The following AKAP6 variants were observed in gnomAD, a reference collection of about 807,000 sequenced individuals.
AKAP6 encodes A-kinase anchoring protein 6.
AKAP6 carries 58 observed loss-of-function variants against 188.5 expected under a neutral mutation model. The observed-to-expected ratio is 0.31, with a 90% confidence interval of 0.25 to 0.38. AKAP6 has a LOEUF of 0.38. Ranked by LOEUF, AKAP6 falls within the 10% of genes least tolerant of loss-of-function variation. AKAP6 has a pLI of 1.00. For synonymous variants in AKAP6, 989 were observed against 998.6 expected (o/e 0.99, Z 0.18); for missense variants, 2,710 against 2,740.0 (o/e 0.99, Z 0.24).
chr14:32,819,026 C>T lies in AKAP6; in HGVS notation c.3589-2376C>T, dbSNP rs548909249. 3.3e-5 allele frequency among the ~76,000 whole-genome samples: 5 copies of T among 152,240 alleles called. No homozygotes were observed. The East Asian group carries it at 9.7e-4, about 29-fold the overall frequency. On this transcript the variant is annotated intron_variant, in intron 12 of 13. Coordinates refer to ENST00000280979, the MANE Select transcript of AKAP6 (RefSeq NM_004274.5). ...AAGATTTTAACATTCATTAGCCGTACTAACTGGTCATTAGTACTTCCTTTA... is the reference window on the plus strand; with the variant it reads ...AAGATTTTAACATTCATTAGCCGTATTAACTGGTCATTAGTACTTCCTTTA...
chr14:32,546,463 A>G lies in AKAP6; in HGVS notation c.1810A>G (p.Lys604Glu). The change falls in exon 4 of 14, where the codon AAA becomes GAA. Residue 604 changes from lysine to glutamate, a missense_variant. Coordinates refer to ENST00000280979, the MANE Select transcript of AKAP6 (RefSeq NM_004274.5). The part of the protein sequence containing the change: ...PVPLLSKHKS[K>E]KGQASSPSHV... Reference sequence around the variant, plus strand: ...GCCACTTCTTTCAAAACACAAAAGCAAAAAAGGTCAAGCCTCCTCTCCAAG... The same window carrying G: ...GCCACTTCTTTCAAAACACAAAAGCGAAAAAGGTCAAGCCTCCTCTCCAAG... The G allele has an allele frequency of 6.2e-7, 1 of 1,614,176 alleles. No individual in the cohort carries two copies. Among genetic ancestry groups the G allele is most frequent in the East Asian group, 2.2e-5 (1 of 44,882 alleles).
At chr14:32,353,291 A>G (rs977548376) in intron 1 of AKAP6, among the ~76,000 whole-genome samples, 1 of 152,188 alleles carries the variant, frequency 6.6e-6, no homozygotes, top group Non-Finnish European at 1.5e-5. Flanking sequence ...GGCCAGGCGC[A>G]GTGGCTCACG....
At chr14:32,434,993 A>G (rs1280735658) in intron 2 of AKAP6, among the ~76,000 whole-genome samples, 1 of 152,242 alleles carries the variant, frequency 6.6e-6, no homozygotes, top group Non-Finnish European at 1.5e-5. Flanking sequence ...AAGGCAACAG[A>G]GAGATGGCTA....
chr14:32,411,651 G>A lies in AKAP6; in HGVS notation c.-34-21809G>A, dbSNP rs534724511. On this transcript the variant is annotated intron_variant, in intron 1 of 13. Transcript: ENST00000280979. ...GTCATCAGTTTTTGGGCATTTGGGG[G>A]CTCTACCTATAAATTTGATTGACTC... is the stretch of plus-strand genomic sequence containing the variant. Among the ~76,000 whole-genome samples the A allele has an allele frequency of 3.9e-5, 6 of 152,124 alleles. No individual in the cohort carries two copies. In the South Asian group the frequency reaches 8.3e-4, roughly 21 times the overall value.
chr14:32,394,864 G>C (rs1407727527), intron 1 of AKAP6, among the ~76,000 whole-genome samples: 1 of 152,096 alleles, frequency 6.6e-6, no homozygotes, highest in Non-Finnish European at 1.5e-5. Context: ...AGAAACTAAA[G>C]GAAAAGGAGG....
At chr14:32,773,255 C>T (rs1594931666) in intron 11 of AKAP6, among the ~76,000 whole-genome samples, 2 of 152,036 alleles carry the variant, frequency 1.3e-5, no homozygotes, top group Admixed American at 6.6e-5. Context: ...AACTTTTTGC[C>T]TCCAAAGAAT....
chr14:32,406,301 C>G (rs925735168), intron 1 of AKAP6, among the ~76,000 whole-genome samples: 5 of 152,142 alleles, frequency 3.3e-5, no homozygotes, highest in African/African-American at 4.8e-5. Flanking sequence ...CCTCTGCCTC[C>G]TGGGTTCAAG....
chr14:32,476,436 G>A lies in AKAP6; in HGVS notation c.324+42619G>A, dbSNP rs186219121. 6.4e-4 allele frequency among the ~76,000 whole-genome samples: 97 copies of A among 152,238 alleles called. 2 individuals carry two copies. The highest frequency in any genetic ancestry group is 4.0e-3 in the Admixed American group (61 of 15,298). Reference sequence around the variant, plus strand: ...CCCTACTTGGACATAAGTAAACAGCGAAGTAGGATCTGGAAGAGGTTTAAG... The same window carrying A: ...CCCTACTTGGACATAAGTAAACAGCAAAGTAGGATCTGGAAGAGGTTTAAG... On this transcript the variant is annotated intron_variant, in intron 2 of 13. Transcript: ENST00000280979.
intron 2 of AKAP6, among the ~76,000 whole-genome samples, chr14:32,483,433 T>C (rs541335649): frequency 1.3e-5 from 2 of 152,062 alleles, no homozygotes; most frequent in Non-Finnish European, 2.9e-5. Flanking sequence ...AGTTTTATAG[T>C]GAAGTTTGAT....
rs552424232 is a variant in AKAP6 at position 32,670,786 on chromosome 14, T to A, written c.2731-7525T>A. On this transcript the variant is annotated intron_variant, in intron 7 of 13. Transcript: ENST00000280979. ...AGTTCTATATTTCAATTATTTTATT[T>A]TCTGTCAAAGAAAAAAGTCTCCTTC... Among the ~76,000 whole-genome samples, 16 of 152,280 alleles carry A rather than the reference T, an allele frequency of 1.1e-4. No homozygotes were observed. The South Asian group carries it at 3.3e-3, about 32-fold the overall frequency.
At chr14:32,594,615 C>A (rs1384795800) in intron 5 of AKAP6, among the ~76,000 whole-genome samples, 5 of 152,104 alleles carry the variant, frequency 3.3e-5, no homozygotes, top group African/African-American at 1.2e-4. Flanking sequence ...CTTTCTTCTC[C>A]CCCAGGAGCC....
intron 1 of AKAP6, among the ~76,000 whole-genome samples, chr14:32,370,064 A>G (rs1052411712): frequency 6.6e-6 from 1 of 152,190 alleles, no homozygotes; most frequent in Admixed American, 6.5e-5. Context: ...ATAACCTCCT[A>G]GAGCAGCTTA....
chr14:32,679,163 A>G (rs188933603), intron 8 of AKAP6, among the ~76,000 whole-genome samples: 197 of 152,332 alleles, frequency 1.3e-3, no homozygotes, highest in African/African-American at 4.5e-3. Context: ...TCATTGGAGC[A>G]GATAATTTTA....
intron 9 of AKAP6, among the ~76,000 whole-genome samples, chr14:32,698,342 G>T (rs563525016): frequency 1.3e-5 from 2 of 152,242 alleles, no homozygotes; most frequent in South Asian, 4.1e-4. Flanking sequence ...TGAGAAAGGG[G>T]TATTTATGGT....
chr14:32,389,992 G>A (rs1383164704), intron 1 of AKAP6, among the ~76,000 whole-genome samples: 1 of 151,788 alleles, frequency 6.6e-6, no homozygotes, highest in African/African-American at 2.4e-5. Flanking sequence ...TTATTCTTAG[G>A]TTTGGTCATT....
intron 1 of AKAP6, among the ~76,000 whole-genome samples, chr14:32,369,846 C>T (rs1887952098): frequency 1.3e-5 from 2 of 152,138 alleles, no homozygotes; most frequent in African/African-American, 2.4e-5. Flanking sequence ...GCCTGGCCAG[C>T]ATGGTGAAAC....
At chr14:32,501,100 T>G (rs1880587549) in intron 2 of AKAP6, among the ~76,000 whole-genome samples, 1 of 152,168 alleles carries the variant, frequency 6.6e-6, no homozygotes, top group South Asian at 2.1e-4. Context: ...AAATGAATCA[T>G]ACTTGCGATT....
At chr14:32,563,487 C>T (rs985056423) in intron 4 of AKAP6, among the ~76,000 whole-genome samples, 1 of 152,120 alleles carries the variant, frequency 6.6e-6, no homozygotes, top group East Asian at 1.9e-4. Flanking sequence ...ATTATTAGTA[C>T]TGTGGGGGGG....
intron 1 of AKAP6, among the ~76,000 whole-genome samples, chr14:32,374,850 T>TTCC (rs763205214): frequency 1.9e-3 from 282 of 152,344 alleles, no homozygotes; most frequent in Non-Finnish European, 1.1e-3. Context: ...TTTCAGTACA[T>TTCC]TCCTCTCTAA....
Sources: gnomAD v4.1 joint callset for allele counts (sites outside exome capture counted in the v4.1 genomes callset) on GRCh38, gnomAD v4.1.1 for gene constraint, MANE v1.5 for transcripts, NCBI Gene and HGNC (gene_info 2026-07-23, HGNC 2026-07-21) for gene names.